FRYL: variants seen among roughly 807,000 people sequenced by gnomAD.
FRYL encodes the protein FRY like transcription coactivator.
In FRYL, 150 loss-of-function variants were observed where a neutral mutation model predicts 351.2. The ratio of observed to expected loss-of-function variants is 0.43; its 90% CI spans 0.37 to 0.49. FRYL has a LOEUF of 0.49. Among genes scored for constraint, FRYL ranks in the 20% least tolerant of loss-of-function variants. FRYL has a pLI of 0.00. For synonymous variants in FRYL, 1,153 were observed against 1,257.1 expected (o/e 0.92, Z 1.75); for missense variants, 3,036 against 3,619.3 (o/e 0.84, Z 4.13).
intron 1 of FRYL, among the ~76,000 whole-genome samples, chr4:48,734,709 G>T (rs192082108): frequency 1.7e-4 from 26 of 152,180 alleles, no homozygotes; most frequent in African/African-American, 5.8e-4. Flanking sequence ...ATCTTGAATT[G>T]ATTTTTGTAT....
chr4:48,521,137 T>C lies in FRYL; in HGVS notation c.7600A>G (p.Ser2534Gly). Residue 2534 changes from serine (S) to glycine (G), a missense_variant, in exon 55 of 64, where the codon AGC becomes GGC. Transcript: ENST00000358350. The part of the protein sequence containing the change: ...LLLQSEDSTG[S>G]ITTEEVLQIR... ...TGAAGCACTTCCTCTGTTGTGATGC[T>C]GCCAGTGGAATCTTCAGACTGGAGA... 1 of 1,613,492 alleles carries C rather than the reference T, an allele frequency of 6.2e-7. No homozygotes were observed. Among genetic ancestry groups the C allele is most frequent in the South Asian group, 1.1e-5 (1 of 91,050 alleles).
chr4:48,538,903 G>C (rs1386543944), intron 47 of FRYL, among the ~76,000 whole-genome samples: 1 of 151,976 alleles, frequency 6.6e-6, no homozygotes, highest in East Asian at 1.9e-4. Context: ...ATGACTGACT[G>C]AAAAAAGTTA....
intron 60 of FRYL, among the ~76,000 whole-genome samples, chr4:48,504,225 T>G (rs1388487370): frequency 6.6e-6 from 1 of 152,076 alleles, no homozygotes; most frequent in Non-Finnish European, 1.5e-5. Context: ...AAGACAAGAC[T>G]GGTACACAAG....
chr4:48,635,371 A>G (rs1258656418), intron 3 of FRYL, among the ~76,000 whole-genome samples: 2 of 152,172 alleles, frequency 1.3e-5, no homozygotes, highest in African/African-American at 4.8e-5. Flanking sequence ...AACTTGGGCT[A>G]AGAGGATGGC....
chr4:48,663,989 A>G (rs1761297131), intron 3 of FRYL, among the ~76,000 whole-genome samples: 1 of 152,114 alleles, frequency 6.6e-6, no homozygotes, highest in East Asian at 1.9e-4. Flanking sequence ...AGGGAAGGCC[A>G]CTCTGTGGGA....
intron 53 of FRYL, among the ~76,000 whole-genome samples, chr4:48,526,571 T>G (rs1468176510): frequency 6.6e-6 from 1 of 152,166 alleles, no homozygotes; most frequent in East Asian, 1.9e-4. Flanking sequence ...CAAACACTGC[T>G]GTGTGTGGGG....
At chr4:48,695,404 G>A (rs746406533) in intron 2 of FRYL, among the ~76,000 whole-genome samples, 25 of 152,030 alleles carry the variant, frequency 1.6e-4, no homozygotes, top group Non-Finnish European at 8.8e-5. Flanking sequence ...AGTTTTCCAC[G>A]TATGATTACA....
intron 30 of FRYL, among the ~76,000 whole-genome samples, chr4:48,564,594 G>A (rs940328280): frequency 2.6e-5 from 4 of 152,154 alleles, no homozygotes; most frequent in Admixed American, 6.5e-5. Context: ...TTAAAAAAAC[G>A]AAATGAAACA....
chr4:48,653,839 G>A (rs1451831160), intron 3 of FRYL: 2 of 1,287,766 alleles, frequency 1.6e-6, no homozygotes, highest in Non-Finnish European at 1.0e-6. Flanking sequence ...AGCAGAAGCA[G>A]AAGCAGCAGC....
At chr4:48,732,296 G>A (rs1304532384) in intron 1 of FRYL, among the ~76,000 whole-genome samples, 2 of 152,156 alleles carry the variant, frequency 1.3e-5, no homozygotes, top group African/African-American at 4.8e-5. Flanking sequence ...GAGAGGCTGT[G>A]GAAAAATAGG....
intron 59 of FRYL, chr4:48,506,303 C>G (rs924376458): frequency 6.6e-6 from 1 of 151,120 alleles, no homozygotes; most frequent in African/African-American, 2.4e-5. Context: ...GGAGGCTGAG[C>G]GGGGAGGACT....
At chr4:48,559,449 T>A (rs1734897609) in intron 33 of FRYL, among the ~76,000 whole-genome samples, 2 of 142,474 alleles carry the variant, frequency 1.4e-5, no homozygotes, top group Admixed American at 7.1e-5. Context: ...ATCCTAAGTA[T>A]TTTGAGAGGC....
Position 48,546,121 on chromosome 4 carries a change from A to T in FRYL, c.5225T>A (p.Ile1742Asn). Residue 1742 changes from isoleucine (I) to asparagine (N), a missense_variant, in exon 42 of 64, where the codon ATC becomes AAC. Transcript: ENST00000358350. Reference protein sequence around the residue: ...LHTTILNEVDISVEQDGKVKT... With the variant: ...LHTTILNEVDNSVEQDGKVKT... ...GACTTTTCCATCCTGCTCCACTGAG[A>T]TGTCAACCTCATTGAGGATAGTGGT... The T allele has an allele frequency of 6.2e-7, 1 of 1,613,760 alleles. No individual in the cohort carries two copies. The highest frequency in any genetic ancestry group is 8.5e-7 in the Non-Finnish European group (1 of 1,179,840).
chr4:48,763,880 G>A (rs182988690), intron 1 of FRYL, among the ~76,000 whole-genome samples: 78 of 152,132 alleles, frequency 5.1e-4, no homozygotes, highest in African/African-American at 1.8e-3. Flanking sequence ...ACTAACAAAT[G>A]AATTCAGGTT....
intron 9 of FRYL, 24 bp from the exon 10 acceptor site, chr4:48,606,630 T>C: frequency 6.4e-7 from 1 of 1,550,520 alleles, no homozygotes; most frequent in Non-Finnish European, 8.8e-7. Context: ...GGAGACATCA[T>C]TTGATTTGAA....
At chr4:48,676,876 C>T (rs1470981867) in intron 3 of FRYL, among the ~76,000 whole-genome samples, 4 of 152,200 alleles carry the variant, frequency 2.6e-5, no homozygotes, top group African/African-American at 7.2e-5. Flanking sequence ...GCTTTTGAAT[C>T]GCACTTTATT....
intron 55 of FRYL, among the ~76,000 whole-genome samples, chr4:48,518,348 C>G (rs1724104342): frequency 6.6e-6 from 1 of 152,174 alleles, no homozygotes; most frequent in South Asian, 2.1e-4. Context: ...TAAATTCTTG[C>G]TAATATTCTT....
At chr4:48,761,544 T>C (rs1230466846) in intron 1 of FRYL, among the ~76,000 whole-genome samples, 1 of 152,196 alleles carries the variant, frequency 6.6e-6, no homozygotes, top group African/African-American at 2.4e-5. Context: ...ACTCACTTAC[T>C]AACTCACCCA....
intron 7 of FRYL, among the ~76,000 whole-genome samples, chr4:48,610,826 C>T (rs564661737): frequency 2.0e-4 from 30 of 147,762 alleles, no homozygotes; most frequent in African/African-American, 7.2e-4. Context: ...TGTATACACT[C>T]AATATGTATA....
Sources: gnomAD v4.1 joint callset for allele counts (sites outside exome capture counted in the v4.1 genomes callset) on GRCh38, gnomAD v4.1.1 for gene constraint, MANE v1.5 for transcripts, NCBI Gene and HGNC (gene_info 2026-07-23, HGNC 2026-07-21) for gene names.